ZNF469: variants seen among roughly 807,000 people sequenced by gnomAD.
The protein encoded by ZNF469 is zinc finger protein 469.
In ZNF469, 1 loss-of-function variant was observed where a neutral mutation model predicts 1.0. The observed-to-expected ratio is 1.00, with a 90% confidence interval of 0.35 to 4.73. The LOEUF (loss-of-function observed/expected upper bound fraction) is 4.73. Ranked by LOEUF, ZNF469 falls within the 30% of genes most tolerant of loss-of-function variation. The pLI is 0.16. For missense variants in ZNF469, 6,100 were observed against 5,356.3 expected (o/e 1.14, Z -4.33); for synonymous variants, 2,703 against 2,363.4 (o/e 1.14, Z -4.17).
chr16:88,254,427 G>A, the ZNF469 span, among the ~76,000 whole-genome samples: 2 of 152,192 alleles, frequency 1.3e-5, no homozygotes, highest in East Asian at 1.9e-4. Flanking sequence ...CTTAAAGTCA[G>A]ATAGTATAGC....
chr16:88,246,616 T>G, the ZNF469 span, among the ~76,000 whole-genome samples: 1 of 152,228 alleles, frequency 6.6e-6, no homozygotes, highest in African/African-American at 2.4e-5. Context: ...TAGGTCAAAG[T>G]GAAGCCCAGG....
Position 88,437,731 on chromosome 16 carries a change from A to C in ZNF469, c.10261A>C (p.Ser3421Arg). ...CATCATCAAGAAGTCCTTCGCCTGC[A>C]GCTCCTGCAACTACACCTTCGCCAA... is the stretch of plus-strand genomic sequence containing the variant. The part of the protein sequence containing the change: ...MRIIKKSFAC[S>R]SCNYTFAKKE... Residue 3421 changes from serine (S) to arginine (R), a missense_variant, in exon 3 of 3, where the codon AGC becomes CGC. Transcript: ENST00000565624. 6.5e-7 allele frequency: 1 copy of C among 1,549,826 alleles called. No individual in the cohort carries two copies. The highest frequency in any genetic ancestry group is 8.7e-7 in the Non-Finnish European group (1 of 1,146,622).
chr16:88,294,640 A>G, the ZNF469 span: 2 of 152,224 alleles, frequency 1.3e-5, no homozygotes, highest in East Asian at 3.8e-4. Context: ...CTTGAGTCCA[A>G]GCGCTAAAAA....
At chr16:88,367,286 A>G in the ZNF469 span, among the ~76,000 whole-genome samples, 4 of 152,238 alleles carry the variant, frequency 2.6e-5, no homozygotes, top group Non-Finnish European at 5.9e-5. Context: ...CATAGGCAAG[A>G]CTCAATCCTT....
Position 88,431,263 on chromosome 16 carries a change from C to G in ZNF469, c.3793C>G (p.Pro1265Ala). 6.5e-7 allele frequency: 1 copy of G among 1,550,344 alleles called. No homozygotes were observed. The highest frequency in any genetic ancestry group is 8.7e-7 in the Non-Finnish European group (1 of 1,146,960). Residue 1265 changes from proline to alanine, a missense_variant, in exon 3 of 3, where the codon CCA (proline) becomes GCA (alanine). Physicochemically the swap from Pro to Ala is conservative, Grantham distance 27. Transcript: ENST00000565624. ...EMGASPGLLIPEQPPPSRHDT... is the reference protein window; with the variant it reads ...EMGASPGLLIAEQPPPSRHDT... Reference sequence around the variant, plus strand: ...GGGAGCAAGCCCCGGTCTCCTGATACCAGAGCAGCCGCCGCCCAGCAGACA... The same window carrying G: ...GGGAGCAAGCCCCGGTCTCCTGATAGCAGAGCAGCCGCCGCCCAGCAGACA...
chr16:88,151,646 A>G, the ZNF469 span, among the ~76,000 whole-genome samples: 1 of 152,204 alleles, frequency 6.6e-6, no homozygotes, highest in Non-Finnish European at 1.5e-5. This position sits in a 1 kb window ranked among gnomAD's most constrained non-coding sequence, Gnocchi z 5.4. Flanking sequence ...CATTAGTATC[A>G]TAATCATTCT....
At chr16:88,249,145 G>A in the ZNF469 span, among the ~76,000 whole-genome samples, 5 of 151,838 alleles carry the variant, frequency 3.3e-5, no homozygotes, top group African/African-American at 7.3e-5. Flanking sequence ...CAGGTGCCCC[G>A]AGCCACTGCT....
the ZNF469 span, among the ~76,000 whole-genome samples, chr16:88,182,626 T>C: frequency 1.8e-4 from 28 of 152,078 alleles, no homozygotes; most frequent in African/African-American, 6.8e-4. Flanking sequence ...AGTGCCCACA[T>C]AACTTGATGG....
At chr16:88,241,561 C>G in the ZNF469 span, among the ~76,000 whole-genome samples, 2 of 152,232 alleles carry the variant, frequency 1.3e-5, no homozygotes, top group East Asian at 3.9e-4. The surrounding 1 kb of genome is among the most constrained non-coding windows in gnomAD (Gnocchi z 4.8). Context: ...CAGTGGTTGT[C>G]CCTCCCTTGC....
the ZNF469 span, among the ~76,000 whole-genome samples, chr16:88,272,694 A>G: frequency 3.1e-3 from 458 of 149,666 alleles, 4 homozygotes; most frequent in African/African-American, 0.011. Flanking sequence ...AGACGAGTGG[A>G]CGGATGGATG....
chr16:88,419,718 C>A (rs1041928553), intron 1 of ZNF469, among the ~76,000 whole-genome samples: 1 of 152,222 alleles, frequency 6.6e-6, no homozygotes, highest in African/African-American at 2.4e-5. Context: ...CAGGAATGCC[C>A]CCAACGCCAT....
the ZNF469 span, among the ~76,000 whole-genome samples, chr16:88,209,508 G>A: frequency 2.0e-5 from 3 of 152,012 alleles, no homozygotes; most frequent in African/African-American, 7.3e-5. Flanking sequence ...AGCTAGGATG[G>A]TCTCCATCTC....
At chr16:88,397,279 G>T (rs527367564) in intron 1 of ZNF469, among the ~76,000 whole-genome samples, 1 of 152,270 alleles carries the variant, frequency 6.6e-6, no homozygotes, top group Non-Finnish European at 1.5e-5. Context: ...TGGGATGGAT[G>T]TGGTGCCCTG....
chr16:88,319,670 C>T, the ZNF469 span, among the ~76,000 whole-genome samples: 1 of 152,190 alleles, frequency 6.6e-6, no homozygotes, highest in Non-Finnish European at 1.5e-5. Context: ...CCTAGGAAGC[C>T]CCGTCTGTGG....
At chr16:88,361,619 A>G in the ZNF469 span, among the ~76,000 whole-genome samples, 1 of 151,690 alleles carries the variant, frequency 6.6e-6, no homozygotes. Flanking sequence ...TGTCAGATAC[A>G]TGTTTTGAAA....
At chr16:88,106,112 C>T in the ZNF469 span, among the ~76,000 whole-genome samples, 1 of 152,254 alleles carries the variant, frequency 6.6e-6, no homozygotes, top group Non-Finnish European at 1.5e-5. Flanking sequence ...ACATCTGGCC[C>T]AGCACAGTGT....
the ZNF469 span, among the ~76,000 whole-genome samples, chr16:88,163,515 TG>T: frequency 2.7e-5 from 4 of 150,916 alleles, no homozygotes; most frequent in Non-Finnish European, 5.9e-5. Flanking sequence ...GATGGATGGA[TG>T]GATGGATGGA....
chr16:88,316,070 C>A, the ZNF469 span, among the ~76,000 whole-genome samples: 1 of 152,252 alleles, frequency 6.6e-6, no homozygotes. Flanking sequence ...CATGCTGCCA[C>A]CACAGCCCCG....
At chr16:88,130,237 G>A in the ZNF469 span, among the ~76,000 whole-genome samples, 3 of 152,264 alleles carry the variant, frequency 2.0e-5, no homozygotes, top group East Asian at 1.9e-4. Context: ...CTCAAAAGCC[G>A]GGGTCGAGGC....
Sources: allele counts gnomAD v4.1 joint callset (sites outside exome capture counted in the v4.1 genomes callset), GRCh38; gene constraint gnomAD v4.1.1; non-coding constraint Gnocchi (gnomAD v3.1); transcripts MANE v1.5; gene names NCBI Gene and HGNC (gene_info 2026-07-23, HGNC 2026-07-21).